Variants in PCSK2 observed in about 807,000 individuals in gnomAD.
PCSK2 encodes proprotein convertase subtilisin/kexin type 2, also known as neuroendocrine convertase 2.
PCSK2 carries 14 observed loss-of-function variants against 69.7 expected under a neutral mutation model. The observed-to-expected ratio is 0.20, with a 90% CI of 0.13 to 0.31. The LOEUF (loss-of-function observed/expected upper bound fraction) is 0.31. Ranked by LOEUF, PCSK2 falls within the 10% of genes least tolerant of loss-of-function variation. PCSK2 has a pLI of 1.00. For synonymous variants in PCSK2, 307 were observed against 320.7 expected (o/e 0.96, Z 0.46); for missense variants, 544 against 842.5 (o/e 0.65, Z 4.39).
intron 6 of PCSK2, among the ~76,000 whole-genome samples, chr20:17,428,317 T>G (rs1443018224): frequency 1.3e-5 from 2 of 152,192 alleles, no homozygotes; most frequent in Admixed American, 6.5e-5. Flanking sequence ...ATAGGCGGGT[T>G]TCATTCTTGT....
intron 2 of PCSK2, among the ~76,000 whole-genome samples, chr20:17,326,548 T>C (rs1235269347): frequency 6.6e-6 from 1 of 152,242 alleles, no homozygotes; most frequent in Non-Finnish European, 1.5e-5. Context: ...CAGATGTTAA[T>C]AACAGGGGAA....
chr20:17,246,418 C>T (rs1473402622), intron 1 of PCSK2, among the ~76,000 whole-genome samples: 1 of 152,100 alleles, frequency 6.6e-6, no homozygotes, highest in African/African-American at 2.4e-5. Flanking sequence ...ACAATGAGAA[C>T]ACGACAAGGC....
intron 8 of PCSK2, among the ~76,000 whole-genome samples, chr20:17,444,772 G>A (rs1307393970): frequency 6.6e-6 from 1 of 152,204 alleles, no homozygotes; most frequent in Non-Finnish European, 1.5e-5. Context: ...TAATGCCACT[G>A]GGAAACTTCA....
chr20:17,290,398 T>C (rs1459932280), intron 2 of PCSK2, among the ~76,000 whole-genome samples: 1 of 152,240 alleles, frequency 6.6e-6, no homozygotes, highest in Non-Finnish European at 1.5e-5. Context: ...TTCTCTTTTC[T>C]CATTTAAATT....
At chr20:17,283,030 A>G (rs549424593) in intron 2 of PCSK2, among the ~76,000 whole-genome samples, 1 of 152,318 alleles carries the variant, frequency 6.6e-6, no homozygotes, top group East Asian at 1.9e-4. Flanking sequence ...AGACTCCATT[A>G]TCCCAGTTAA....
chr20:17,433,812 T>TCTCTCTCTCTCCC (rs774361715), intron 7 of PCSK2, among the ~76,000 whole-genome samples: 1,060 of 104,120 alleles, frequency 0.01, 96 homozygotes, highest in East Asian at 0.057. Flanking sequence ...TCTCTCTCTC[T>TCTCTCTCTCTCCC]CCCCCCACTT....
intron 1 of PCSK2, among the ~76,000 whole-genome samples, chr20:17,244,943 G>C (rs1291105870): frequency 6.6e-6 from 1 of 152,042 alleles, no homozygotes; most frequent in African/African-American, 2.4e-5. Context: ...CCAGATCCTC[G>C]CCACCTTCTT....
At chr20:17,378,112 A>C (rs982553283) in intron 5 of PCSK2, among the ~76,000 whole-genome samples, 1 of 152,222 alleles carries the variant, frequency 6.6e-6, no homozygotes, top group African/African-American at 2.4e-5. Context: ...ATATAATTAC[A>C]TTATAATATG....
Position 17,482,039 on chromosome 20 carries a change from G to T in PCSK2, c.1886G>T (p.Arg629Ile). 6.2e-7 allele frequency: 1 copy of T among 1,603,138 alleles called. No homozygotes were observed. Reference sequence around the variant, plus strand: ...GAAGAGCTGGACGAAGCCGTGGAGAGAAGCCTGAAAAGCATCCTTAACAAG... The same window carrying T: ...GAAGAGCTGGACGAAGCCGTGGAGATAAGCCTGAAAAGCATCCTTAACAAG... ...LEEELDEAVE[R>I]SLKSILNKN Residue 629 changes from arginine to isoleucine, a missense_variant, in exon 12 of 12, where the codon AGA (arginine) becomes ATA (isoleucine). By Grantham distance (97) the Arg-to-Ile change is moderately conservative (BLOSUM62 -3). This residue lies in a region of PCSK2 where 200 missense variants were observed against 287.8 expected (regional missense o/e 0.69). Coordinates refer to ENST00000262545, the MANE Select transcript of PCSK2 (RefSeq NM_002594.5).
At chr20:17,393,639 T>A (rs2031440887) in intron 5 of PCSK2, among the ~76,000 whole-genome samples, 1 of 152,184 alleles carries the variant, frequency 6.6e-6, no homozygotes, top group African/African-American at 2.4e-5. Flanking sequence ...GGACTAAAGA[T>A]TTTCTGTTCA....
At position 17,371,897 on chromosome 20, in the gene PCSK2, G is replaced by A. The variant is rs114010527; in HGVS notation, c.543+2620G>A. On this transcript the variant is annotated intron_variant, in intron 5 of 11. Coordinates refer to ENST00000262545, the MANE Select transcript of PCSK2 (RefSeq NM_002594.5). ...GAGATGGCAGACAGTAACATGGGTGGACTCCAAGCCATACCATGCTAAGGA... is the reference window on the plus strand; with the variant it reads ...GAGATGGCAGACAGTAACATGGGTGAACTCCAAGCCATACCATGCTAAGGA... 4.8e-3 allele frequency among the ~76,000 whole-genome samples: 735 copies of A among 152,130 alleles called. 6 individuals are homozygous for A. Among genetic ancestry groups the A allele is most frequent in the African/African-American group, 0.016 (683 of 41,492 alleles).
intron 6 of PCSK2, among the ~76,000 whole-genome samples, chr20:17,422,523 G>A (rs192377904): frequency 7.3e-4 from 111 of 151,968 alleles, no homozygotes; most frequent in Non-Finnish European, 1.3e-3. Context: ...TTCAATTAAA[G>A]TTTCAATAGA....
chr20:17,286,210 C>G (rs1404257458), intron 2 of PCSK2, among the ~76,000 whole-genome samples: 1 of 152,164 alleles, frequency 6.6e-6, no homozygotes. Context: ...TTGCCAAAAA[C>G]TAGCAATAAA....
chr20:17,316,730 T>C (rs926036128), intron 2 of PCSK2, among the ~76,000 whole-genome samples: 2 of 152,216 alleles, frequency 1.3e-5, no homozygotes, highest in African/African-American at 4.8e-5. Context: ...ACCAGCCCCA[T>C]GTTTCTGATA....
At chr20:17,251,665 CT>C (rs561394576) in intron 1 of PCSK2, among the ~76,000 whole-genome samples, 9 of 152,256 alleles carry the variant, frequency 5.9e-5, no homozygotes, top group African/African-American at 2.2e-4. Context: ...TTTCAGCTAG[CT>C]ACTTGTTTCT....
chr20:17,400,901 C>A (rs2031621963), intron 5 of PCSK2, among the ~76,000 whole-genome samples: 1 of 152,176 alleles, frequency 6.6e-6, no homozygotes. Context: ...ATTTCTTTAA[C>A]TCATCCCCAG....
chr20:17,372,428 T>TAAAA lies in PCSK2; in HGVS notation c.543+3153_543+3156dup, dbSNP rs572809910. Reference sequence around the variant, plus strand: ...ATAAATAAATAAATAAATAAATAAATAAAAATAAAAGATTAGTAAATTAAT... The same window carrying TAAAA: ...ATAAATAAATAAATAAATAAATAAATAAAAAAAAATAAAAGATTAGTAAATTAAT... On this transcript the variant is annotated intron_variant, in intron 5 of 11. Transcript: ENST00000262545. Among the ~76,000 whole-genome samples, 42 of 142,904 alleles carry TAAAA rather than the reference T, an allele frequency of 2.9e-4. No individual in the cohort carries two copies. In the East Asian group the frequency reaches 4.6e-3, roughly 16 times the overall value. 93.8% of individuals were successfully genotyped at this position (142,904 alleles called of 152,430 possible).
chr20:17,237,489 G>A (rs1986386677), intron 1 of PCSK2, among the ~76,000 whole-genome samples: 1 of 152,168 alleles, frequency 6.6e-6, no homozygotes, highest in African/African-American at 2.4e-5. Flanking sequence ...AACTTGGACG[G>A]TTAGAGATAT....
intron 6 of PCSK2, among the ~76,000 whole-genome samples, chr20:17,421,570 T>C (rs1197277976): frequency 6.6e-6 from 1 of 152,000 alleles, no homozygotes; most frequent in Non-Finnish European, 1.5e-5. Context: ...CCACCATGGG[T>C]CTTCTGTTGT....
Sources: gnomAD v4.1 joint callset for allele counts (sites outside exome capture counted in the v4.1 genomes callset) on GRCh38, gnomAD v4.1.1 for gene constraint, gnomAD v4.1.1 regional missense constraint, MANE v1.5 for transcripts, NCBI Gene and HGNC (gene_info 2026-07-23, HGNC 2026-07-21) for gene names.